Variants in AGK observed in about 807,000 individuals in gnomAD.
AGK encodes acylglycerol kinase, mitochondrial.
AGK carries 52 observed loss-of-function variants against 66.4 expected under a neutral mutation model. That is an observed-to-expected ratio of 0.78 (90% confidence interval 0.63 to 0.99). The LOEUF (loss-of-function observed/expected upper bound fraction) is 0.99. Among genes scored for constraint, AGK ranks in the 50% least tolerant of loss-of-function variants. The probability of loss-of-function intolerance (pLI) is 0.00; values close to 1 mark genes in which losing one functional copy is unlikely to be tolerated. For missense variants in AGK, 451 were observed against 506.6 expected (o/e 0.89, Z 1.05); for synonymous variants, 182 against 181.1 (o/e 1.00, Z -0.04).
intron 9 of AGK, among the ~76,000 whole-genome samples, chr7:141,632,832 A>G (rs1397687079): frequency 6.6e-6 from 1 of 152,248 alleles, no homozygotes; most frequent in African/African-American, 2.4e-5. Context: ...ATGAGAGGCC[A>G]GCATCCTTTC....
chr7:141,620,176 A>C (rs2116972331), intron 8 of AGK, among the ~76,000 whole-genome samples: 2 of 152,330 alleles, frequency 1.3e-5, no homozygotes, highest in African/African-American at 4.8e-5. Flanking sequence ...CTGAAGGTGC[A>C]GGCAGTGGGT....
intron 2 of AGK, among the ~76,000 whole-genome samples, chr7:141,575,983 A>AAAG (rs1264578834): frequency 6.6e-6 from 1 of 152,122 alleles, no homozygotes; most frequent in Non-Finnish European, 1.5e-5. Flanking sequence ...TGAATTAAAC[A>AAAG]ATGAACTTGC....
chr7:141,630,666 C>A (rs1422806308), intron 9 of AGK, among the ~76,000 whole-genome samples: 3 of 152,070 alleles, frequency 2.0e-5, no homozygotes, highest in African/African-American at 7.2e-5. Context: ...AAATCAGAAG[C>A]CTTTGGTGTA....
intron 4 of AGK, among the ~76,000 whole-genome samples, chr7:141,600,813 T>C (rs1228588085): frequency 6.6e-6 from 1 of 152,160 alleles, no homozygotes; most frequent in Non-Finnish European, 1.5e-5. Flanking sequence ...TGCTTTGTTA[T>C]GTTGTATTCC....
chr7:141,577,818 C>CTT (rs71172606), intron 2 of AGK, among the ~76,000 whole-genome samples: 3,769 of 136,394 alleles, frequency 0.028, 78 homozygotes, highest in South Asian at 0.12. Context: ...CATAAATCTT[C>CTT]TTTTTTTTTT....
Position 141,654,695 on chromosome 7 carries a change from G to A in AGK, c.*1771G>A, listed in dbSNP as rs76012712. 4,732 of 152,532 alleles carry A rather than the reference G, an allele frequency of 0.031. 104 individuals carry two copies. Among genetic ancestry groups the A allele is most frequent in the Non-Finnish European group, 0.046 (3,164 of 68,210 alleles). 9.4% of individuals were successfully genotyped at this position (152,532 alleles called of 1,614,324 possible). A position where few individuals can be genotyped will look rare whatever the true frequency, so the allele number is the denominator to read the frequency against. Reference sequence around the variant, plus strand: ...ACAGGAAGATAGATCAATGAGGGAGGATTGCGAGGGGGAAGGGGAGGAAGC... The same window carrying A: ...ACAGGAAGATAGATCAATGAGGGAGAATTGCGAGGGGGAAGGGGAGGAAGC... On this transcript the variant is annotated 3_prime_UTR_variant, in exon 16 of 16. Coordinates refer to ENST00000649286, the MANE Select transcript of AGK (RefSeq NM_018238.4).
intron 11 of AGK, among the ~76,000 whole-genome samples, chr7:141,638,924 T>G (rs2117008635): frequency 6.6e-6 from 1 of 152,212 alleles, no homozygotes; most frequent in East Asian, 1.9e-4. Flanking sequence ...GTCATAAGTG[T>G]GTGAGCGGTG....
intron 13 of AGK, among the ~76,000 whole-genome samples, chr7:141,648,756 T>C (rs1270171954): frequency 6.6e-6 from 1 of 152,194 alleles, no homozygotes; most frequent in East Asian, 1.9e-4. Flanking sequence ...AACATTACCA[T>C]AGAATAAACG....
chr7:141,616,069 G>A (rs1160804633), intron 8 of AGK: 1 of 152,404 alleles, frequency 6.6e-6, no homozygotes, highest in African/African-American at 2.4e-5. Flanking sequence ...GGAAAGCAGT[G>A]TAGCTCTGAC....
intron 5 of AGK, 149 bp from the exon 6 acceptor site, chr7:141,611,046 T>C: frequency 1.9e-6 from 1 of 527,934 alleles, no homozygotes. Flanking sequence ...ATAATTGCTT[T>C]GATAGCTATT....
intron 2 of AGK, among the ~76,000 whole-genome samples, chr7:141,573,114 T>TCC (rs1795649083): frequency 1.3e-5 from 2 of 152,308 alleles, no homozygotes; most frequent in East Asian, 3.9e-4. Flanking sequence ...TTTGTTTTGC[T>TCC]TTTTAGCCAT....
chr7:141,594,676 C>T (rs749112802), intron 3 of AGK, among the ~76,000 whole-genome samples: 20 of 151,604 alleles, frequency 1.3e-4, no homozygotes, highest in Admixed American at 2.6e-4. Flanking sequence ...TTTTTTTAGA[C>T]GAGTCTCGCC....
chr7:141,621,807 T>C lies in AGK; in HGVS notation c.588+6T>C. Reference sequence around the variant, plus strand: ...TTGATGTCTTGCAGATCAAGGTAAATCTTTTCATCACATATTGGAAAAATT... The same window carrying C: ...TTGATGTCTTGCAGATCAAGGTAAACCTTTTCATCACATATTGGAAAAATT... On this transcript the variant is annotated splice_donor_region_variant and intron_variant, in intron 9 of 15. Coordinates refer to ENST00000649286, the MANE Select transcript of AGK (RefSeq NM_018238.4). 1 of 1,607,404 alleles carries C rather than the reference T, an allele frequency of 6.2e-7. No homozygotes were observed. Among genetic ancestry groups the C allele is most frequent in the South Asian group, 1.1e-5 (1 of 90,564 alleles).
rs374365225 is a variant in AGK at position 141,601,281 on chromosome 7, G to A, written c.297+1G>A. 4 of 1,609,646 alleles carry A rather than the reference G, an allele frequency of 2.5e-6. No individual in the cohort carries two copies. The African/African-American group carries it at 5.4e-5, about 22-fold the overall frequency. On this transcript the variant is annotated splice_donor_variant, in intron 5 of 15. Transcript: ENST00000649286. LOFTEE classifies it high-confidence loss of function. ...TGGCATGGATGTGACTATTGTTAAGGTAAGAATGGCTCCTGAATGTTTATT... is the reference window on the plus strand; with the variant it reads ...TGGCATGGATGTGACTATTGTTAAGATAAGAATGGCTCCTGAATGTTTATT...
In AGK at chr7:141,596,628, G is replaced by C. The variant is rs1184820557; in HGVS notation, c.208G>C (p.Ala70Pro). The C allele has an allele frequency of 6.2e-7, 1 of 1,613,826 alleles. No individual in the cohort carries two copies. The highest frequency in any genetic ancestry group is 8.5e-7 in the Non-Finnish European group (1 of 1,179,908). Reference protein sequence around the residue: ...VKKATVFLNPAACKGKARTLF... With the variant: ...VKKATVFLNPPACKGKARTLF... ...GAAGGCCACTGTTTTTCTCAATCCT[G>C]CAGCTTGCAAAGGGTAGTTCCGTTT... Residue 70 changes from alanine to proline, a missense_variant, in exon 4 of 16, where the codon GCA becomes CCA. Coordinates refer to ENST00000649286, the MANE Select transcript of AGK (RefSeq NM_018238.4).
intron 8 of AGK, among the ~76,000 whole-genome samples, chr7:141,618,475 TA>T: frequency 6.6e-6 from 1 of 152,318 alleles, no homozygotes; most frequent in South Asian, 2.1e-4. Context: ...TTATGCCTAG[TA>T]AAGTGGACTT....
chr7:141,652,632 G>A (rs1336547329), intron 15 of AGK, 155 bp from the exon 16 acceptor site: 2 of 658,048 alleles, frequency 3.0e-6, no homozygotes, highest in Non-Finnish European at 5.1e-6. Context: ...ATCGTAGTAG[G>A]CACTGAATTT....
chr7:141,560,055 A>G (rs1795305513), intron 2 of AGK, among the ~76,000 whole-genome samples: 1 of 151,930 alleles, frequency 6.6e-6, no homozygotes, highest in South Asian at 2.1e-4. Flanking sequence ...CTTCCTTTCC[A>G]GTTTGGATGC....
rs569166934 is a variant in AGK at position 141,585,507 on chromosome 7, AT to A, written c.102-7631del. On this transcript the variant is annotated intron_variant, in intron 2 of 15. Coordinates refer to ENST00000649286, the MANE Select transcript of AGK (RefSeq NM_018238.4). The stretch of plus-strand genomic sequence containing the variant: ...TTATAAACGTCTAAACTTGAAATCT[AT>A]TTTTTTTAAAGCAAAGACTGTGTTT... Among the ~76,000 whole-genome samples, 332 of 152,138 alleles carry A rather than the reference AT, an allele frequency of 2.2e-3. 1 individual carries two copies. Among genetic ancestry groups the A allele is most frequent in the African/African-American group, 7.7e-3 (319 of 41,528 alleles).
Sources: allele counts gnomAD v4.1 joint callset (sites outside exome capture counted in the v4.1 genomes callset), GRCh38; gene constraint gnomAD v4.1.1; transcripts MANE v1.5; gene names NCBI Gene and HGNC (gene_info 2026-07-23, HGNC 2026-07-21).